Variants in RBFOX1 observed in about 807,000 individuals in gnomAD.
RBFOX1 encodes RNA binding fox-1 homolog 1, also known as RNA binding protein fox-1 homolog 1.
RBFOX1 carries 8 observed loss-of-function variants against 57.7 expected under a neutral mutation model. The ratio of observed to expected loss-of-function variants is 0.14; its 90% CI spans 0.08 to 0.25. The LOEUF (loss-of-function observed/expected upper bound fraction) is 0.25. Ranked by LOEUF, RBFOX1 falls within the 10% of genes least tolerant of loss-of-function variation. The pLI is 1.00. For missense variants in RBFOX1, 611 were observed against 548.5 expected (o/e 1.11, Z -1.14); for synonymous variants, 326 against 222.4 (o/e 1.47, Z -4.15).
intron 2 of RBFOX1, among the ~76,000 whole-genome samples, chr16:6,545,190 C>T (rs568761000): frequency 1.3e-5 from 2 of 152,170 alleles, no homozygotes; most frequent in Non-Finnish European, 1.5e-5. Flanking sequence ...GGACTACAAG[C>T]CTCCTAACTG....
chr16:7,445,474 G>A (rs986061773), intron 4 of RBFOX1, among the ~76,000 whole-genome samples: 7 of 152,096 alleles, frequency 4.6e-5, no homozygotes, highest in African/African-American at 1.4e-4. Flanking sequence ...AGTGGAAGAG[G>A]CCCATAAATG....
At chr16:5,489,664 A>G (rs933138216) in intron 2 of RBFOX1, among the ~76,000 whole-genome samples, 1 of 152,180 alleles carries the variant, frequency 6.6e-6, no homozygotes, top group Non-Finnish European at 1.5e-5. Context: ...GTTCAGAGCC[A>G]CCCAGAGGAA....
rs574637812 is a variant in RBFOX1 at position 7,441,220 on chromosome 16, G to A, written c.28-76927G>A. 8.5e-4 allele frequency among the ~76,000 whole-genome samples: 130 copies of A among 152,228 alleles called. 1 individual carries two copies. Among genetic ancestry groups the A allele is most frequent in the African/African-American group, 2.9e-3 (121 of 41,540 alleles). ...CTGCATGCGCATGACTTGGCGATTC[G>A]ACCTCTGAAAGCTCTGCAAGGCTAG... On this transcript the variant is annotated intron_variant, in intron 4 of 15. Coordinates refer to ENST00000550418, the MANE Select transcript of RBFOX1 (RefSeq NM_018723.4).
At chr16:6,863,852 T>C (rs2059447251) in intron 3 of RBFOX1, among the ~76,000 whole-genome samples, 1 of 148,350 alleles carries the variant, frequency 6.7e-6, no homozygotes, top group Non-Finnish European at 1.5e-5. Flanking sequence ...CAGAAACAAA[T>C]ACCAAGTTCT....
Position 6,769,117 on chromosome 16 carries a change from G to C in RBFOX1, c.-16+114467G>C, listed in dbSNP as rs572549502. 8.5e-5 allele frequency among the ~76,000 whole-genome samples: 13 copies of C among 152,290 alleles called. No individual in the cohort carries two copies. The South Asian group carries it at 2.7e-3, about 32-fold the overall frequency. ...TTGAATTCCCACGTGTTGTGTGAGGGACTGGGTGGGAGTTAATTGAATAAT... is the reference window on the plus strand; with the variant it reads ...TTGAATTCCCACGTGTTGTGTGAGGCACTGGGTGGGAGTTAATTGAATAAT... On this transcript the variant is annotated intron_variant, in intron 3 of 15. Coordinates refer to ENST00000550418, the MANE Select transcript of RBFOX1 (RefSeq NM_018723.4).
intron 3 of RBFOX1, among the ~76,000 whole-genome samples, chr16:5,656,562 C>T (rs1307356579): frequency 1.3e-5 from 2 of 152,134 alleles, no homozygotes; most frequent in Admixed American, 1.3e-4. Context: ...TAAACCTGTC[C>T]ATCACCTCTA....
chr16:5,657,063 A>G (rs762895751), intron 3 of RBFOX1, among the ~76,000 whole-genome samples: 9 of 152,212 alleles, frequency 5.9e-5, no homozygotes, highest in Non-Finnish European at 1.2e-4. Flanking sequence ...ACAGACCTAC[A>G]TGTTCTGCAC....
At chr16:6,698,548 T>G (rs35359826) in intron 3 of RBFOX1, among the ~76,000 whole-genome samples, 216 of 152,344 alleles carry the variant, frequency 1.4e-3, no homozygotes, top group Non-Finnish European at 2.6e-3. Context: ...AATTTTTGTT[T>G]GCTCTTCTGA....
At chr16:5,575,596 G>C (rs1418306294) in intron 2 of RBFOX1, among the ~76,000 whole-genome samples, 1 of 152,192 alleles carries the variant, frequency 6.6e-6, no homozygotes, top group African/African-American at 2.4e-5. Flanking sequence ...TGCCAGCCAG[G>C]GTTGGAGCTA....
At chr16:6,935,730 C>T (rs1417739548) in intron 3 of RBFOX1, among the ~76,000 whole-genome samples, 1 of 152,122 alleles carries the variant, frequency 6.6e-6, no homozygotes, top group Non-Finnish European at 1.5e-5. Flanking sequence ...AGCGAGACAT[C>T]TTCCTTGTTT....
chr16:7,482,240 A>C (rs1381351120), intron 4 of RBFOX1, among the ~76,000 whole-genome samples: 1 of 152,214 alleles, frequency 6.6e-6, no homozygotes, highest in Non-Finnish European at 1.5e-5. Context: ...GCATTGTAAG[A>C]GCTCAAACAG....
intron 4 of RBFOX1, among the ~76,000 whole-genome samples, chr16:7,253,401 G>A (rs1347405573): frequency 6.6e-6 from 1 of 152,140 alleles, no homozygotes; most frequent in Admixed American, 6.5e-5. Flanking sequence ...GTGTTCTCCG[G>A]CTTGACAACC....
At chr16:6,500,876 GTTT>G (rs1190261525) in intron 2 of RBFOX1, among the ~76,000 whole-genome samples, 39 of 30,116 alleles carry the variant, frequency 1.3e-3, no homozygotes, top group African/African-American at 2.5e-3. Flanking sequence ...TTGGGGAGTA[GTTT>G]TTTTTTTTTT....
At chr16:7,591,172 A>G (rs994762638) in intron 7 of RBFOX1, among the ~76,000 whole-genome samples, 40 of 152,278 alleles carry the variant, frequency 2.6e-4, no homozygotes, top group African/African-American at 9.1e-4. Flanking sequence ...AGGGAGGGGA[A>G]AGAGGGATGT....
chr16:7,192,245 A>C (rs2085578521), intron 4 of RBFOX1, among the ~76,000 whole-genome samples: 1 of 152,214 alleles, frequency 6.6e-6, no homozygotes, highest in East Asian at 1.9e-4. Context: ...GCCTCTTGGT[A>C]GCCTGTTGAT....
At chr16:7,655,265 A>G (rs1241067515) in intron 12 of RBFOX1, among the ~76,000 whole-genome samples, 2 of 152,222 alleles carry the variant, frequency 1.3e-5, no homozygotes, top group Non-Finnish European at 2.9e-5. Flanking sequence ...ACCATCAGAG[A>G]AGGGAAAGTT....
intron 1 of RBFOX1, among the ~76,000 whole-genome samples, chr16:5,298,308 A>T (rs907330809): frequency 6.6e-6 from 1 of 152,184 alleles, no homozygotes; most frequent in Non-Finnish European, 1.5e-5. Context: ...GAGGTGTAAC[A>T]AGAGACTGTA....
intron 5 of RBFOX1, among the ~76,000 whole-genome samples, chr16:7,522,147 A>G (rs899151656): frequency 6.6e-6 from 1 of 152,232 alleles, no homozygotes; most frequent in Non-Finnish European, 1.5e-5. Context: ...ATCAGAGTTC[A>G]TGATGAGATG....
chr16:7,633,441 A>T (rs1286257410), intron 11 of RBFOX1, among the ~76,000 whole-genome samples: 2 of 152,202 alleles, frequency 1.3e-5, no homozygotes, highest in Non-Finnish European at 2.9e-5. Flanking sequence ...TAATGAACCC[A>T]TAGTATTGTT....
Sources: allele counts gnomAD v4.1 joint callset (sites outside exome capture counted in the v4.1 genomes callset), GRCh38; gene constraint gnomAD v4.1.1; transcripts MANE v1.5; gene names NCBI Gene and HGNC (gene_info 2026-07-23, HGNC 2026-07-21).